MAGI1: variants seen among roughly 807,000 people sequenced by gnomAD.
MAGI1 encodes the protein membrane associated guanylate kinase, WW and PDZ domain containing 1.
MAGI1 carries 58 observed loss-of-function variants against 139.9 expected under a neutral mutation model. That is an observed-to-expected ratio of 0.41 (90% CI 0.34 to 0.52). The LOEUF (loss-of-function observed/expected upper bound fraction) is 0.52, where lower values mean the gene tolerates loss of function less well. Among genes scored for constraint, MAGI1 ranks in the 20% least tolerant of loss-of-function variants. The pLI, the probability that MAGI1 is intolerant of heterozygous loss-of-function variation, is 0.12. For synonymous variants in MAGI1, 812 were observed against 737.9 expected (o/e 1.10, Z -1.63); for missense variants, 1,874 against 1,901.6 (o/e 0.99, Z 0.27).
intron 1 of MAGI1, among the ~76,000 whole-genome samples, chr3:65,796,559 T>A (rs2040163265): frequency 6.6e-6 from 1 of 152,194 alleles, no homozygotes; most frequent in South Asian, 2.1e-4. Context: ...GTCTCTGACA[T>A]CAGCTATATC....
rs1344304684 is a variant in MAGI1, at chr3:65,986,112, GACATA to G, written c.313+51879_313+51883del. Among the ~76,000 whole-genome samples the G allele has an allele frequency of 4.6e-5, 7 of 152,314 alleles. No individual in the cohort carries two copies. In the East Asian group the frequency reaches 1.3e-3, roughly 29 times the overall value. On this transcript the variant is annotated intron_variant, in intron 1 of 22. Coordinates refer to ENST00000402939, the MANE Select transcript of MAGI1 (RefSeq NM_001033057.2). The stretch of plus-strand genomic sequence containing the variant: ...GGTCATTTCCTTCCATTTCCAGCCA[GACATA>G]GCTGATTGATCATGGTGCCTCTTCT...
At chr3:65,606,281 C>T (rs1262238063) in intron 2 of MAGI1, among the ~76,000 whole-genome samples, 2 of 152,104 alleles carry the variant, frequency 1.3e-5, no homozygotes, top group East Asian at 1.9e-4. Context: ...ACCACTGCAC[C>T]GTGCCTCTCA....
At chr3:65,403,500 G>A (rs1945077059) in intron 12 of MAGI1, among the ~76,000 whole-genome samples, 1 of 152,000 alleles carries the variant, frequency 6.6e-6, no homozygotes, top group Admixed American at 6.6e-5. Context: ...ATAAGTGTGG[G>A]TCACTGTATA....
chr3:65,472,280 T>A (rs749847321), intron 4 of MAGI1, among the ~76,000 whole-genome samples: 3 of 152,150 alleles, frequency 2.0e-5, no homozygotes, highest in Non-Finnish European at 4.4e-5. Context: ...TTCTGGCATA[T>A]CTTTGGAAGG....
intron 1 of MAGI1, among the ~76,000 whole-genome samples, chr3:65,920,002 G>A (rs1156922120): frequency 6.6e-6 from 1 of 152,142 alleles, no homozygotes; most frequent in Non-Finnish European, 1.5e-5. Flanking sequence ...CTTCAGGTCC[G>A]ATGTTTAAAT....
At chr3:65,573,569 T>C (rs1433467081) in intron 2 of MAGI1, among the ~76,000 whole-genome samples, 4 of 151,928 alleles carry the variant, frequency 2.6e-5, no homozygotes, top group Admixed American at 6.6e-5. Context: ...CCTGGTAATC[T>C]ATAAATGGCA....
intron 1 of MAGI1, among the ~76,000 whole-genome samples, chr3:66,007,754 C>A (rs1182830641): frequency 6.6e-6 from 1 of 151,992 alleles, no homozygotes; most frequent in African/African-American, 2.4e-5. Flanking sequence ...GTGAGATGAG[C>A]CCTAGTACAG....
chr3:65,903,931 C>A (rs866017718), intron 1 of MAGI1, among the ~76,000 whole-genome samples: 27 of 151,906 alleles, frequency 1.8e-4, no homozygotes, highest in South Asian at 8.3e-4. Flanking sequence ...TCGCTTGAAC[C>A]CAGAAGGTGG....
chr3:65,490,860 A>AAG (rs1235482258), intron 3 of MAGI1, among the ~76,000 whole-genome samples: 2 of 149,486 alleles, frequency 1.3e-5, no homozygotes, highest in Non-Finnish European at 3.0e-5. Context: ...AAAAAAAAGA[A>AAG]AAAAGAAAGA....
intron 22 of MAGI1, chr3:65,360,223 G>GAACCC: frequency 1.0e-6 from 1 of 985,316 alleles, no homozygotes. Context: ...AGAAAAGAGG[G>GAACCC]TGATAATAGA....
At position 65,778,349 on chromosome 3, in the gene MAGI1, G is replaced by C. The variant is rs554149098; in HGVS notation, c.314-156261C>G. The stretch of plus-strand genomic sequence containing the variant: ...GGAGGCTGAGGCAGGAGAATCGCTT[G>C]AACCCAGGAGGCAGAGGTTGCAGTG... On this transcript the variant is annotated intron_variant, in intron 1 of 22. Coordinates refer to ENST00000402939, the MANE Select transcript of MAGI1 (RefSeq NM_001033057.2). 6.0e-4 allele frequency among the ~76,000 whole-genome samples: 90 copies of C among 150,746 alleles called. 2 individuals are homozygous for C. The highest frequency in any genetic ancestry group is 4.2e-3 in the South Asian group (20 of 4,782).
chr3:66,007,307 A>T (rs2067076402), intron 1 of MAGI1, among the ~76,000 whole-genome samples: 1 of 152,212 alleles, frequency 6.6e-6, no homozygotes, highest in South Asian at 2.1e-4. Context: ...CGGCGATCCT[A>T]TCTTCCCAAT....
chr3:65,550,944 T>C (rs1345560410), intron 2 of MAGI1, among the ~76,000 whole-genome samples: 2 of 152,176 alleles, frequency 1.3e-5, no homozygotes, highest in African/African-American at 2.4e-5. Flanking sequence ...CACTCCAGCC[T>C]GGGCAACAGA....
At chr3:65,992,695 T>C (rs1408961009) in intron 1 of MAGI1, among the ~76,000 whole-genome samples, 1 of 152,184 alleles carries the variant, frequency 6.6e-6, no homozygotes, top group Admixed American at 6.5e-5. Context: ...GGACCATATT[T>C]TGAGTAATAA....
chr3:65,988,926 C>T (rs1400099717), intron 1 of MAGI1, among the ~76,000 whole-genome samples: 2 of 152,004 alleles, frequency 1.3e-5, no homozygotes, highest in African/African-American at 2.4e-5. Context: ...TTTTCTCATT[C>T]GACCCTTACT....
chr3:65,384,333 T>C (rs1006836931), intron 14 of MAGI1, among the ~76,000 whole-genome samples: 1 of 152,260 alleles, frequency 6.6e-6, no homozygotes, highest in African/African-American at 2.4e-5. Context: ...TTAGCTGTGA[T>C]GAATACGTAC....
chr3:65,643,986 G>T (rs369154352), intron 1 of MAGI1, among the ~76,000 whole-genome samples: 1 of 152,014 alleles, frequency 6.6e-6, no homozygotes, highest in Non-Finnish European at 1.5e-5. Flanking sequence ...TTCCTTATCC[G>T]CTCTTCATCA....
chr3:66,030,771 C>G (rs563448320), intron 1 of MAGI1, among the ~76,000 whole-genome samples: 1 of 152,268 alleles, frequency 6.6e-6, no homozygotes, highest in South Asian at 2.1e-4. Context: ...AGGACTTCGG[C>G]TTTCACTCAG....
At chr3:65,639,085 T>C (rs1011838149) in intron 1 of MAGI1, among the ~76,000 whole-genome samples, 1 of 152,224 alleles carries the variant, frequency 6.6e-6, no homozygotes, top group African/African-American at 2.4e-5. Flanking sequence ...TGACTGACAA[T>C]GTTAGTCTTG....
Sources: allele counts gnomAD v4.1 joint callset (sites outside exome capture counted in the v4.1 genomes callset), GRCh38; gene constraint gnomAD v4.1.1; transcripts MANE v1.5; gene names NCBI Gene and HGNC (gene_info 2026-07-23, HGNC 2026-07-21).